The following RABGAP1L variants were observed in gnomAD, a reference collection of about 807,000 sequenced individuals.
RABGAP1L encodes rab GTPase-activating protein 1-like.
In RABGAP1L, 63 loss-of-function variants were observed where a neutral mutation model predicts 137.7. The ratio of observed to expected loss-of-function variants is 0.46; its 90% CI spans 0.37 to 0.56. The LOEUF (loss-of-function observed/expected upper bound fraction) is 0.56, where lower values mean the gene tolerates loss of function less well. Ranked by LOEUF, RABGAP1L falls within the 20% of genes least tolerant of loss-of-function variation. The pLI is 0.00. For synonymous variants in RABGAP1L, 431 were observed against 433.7 expected, an observed-to-expected ratio of 0.99 and a Z score of 0.08; for missense variants, 1,095 against 1,244.0, an observed-to-expected ratio of 0.88 and a Z score of 1.80.
intron 11 of RABGAP1L, among the ~76,000 whole-genome samples, chr1:174,327,998 T>TATATATATACATAC (rs1680673910): frequency 1.1e-5 from 1 of 90,144 alleles, no homozygotes; most frequent in African/African-American, 5.1e-5. Context: ...TATATATATA[T>TATATATATACATAC]ATATATATAT....
At chr1:174,578,352 T>C (rs1379839566) in intron 13 of RABGAP1L, among the ~76,000 whole-genome samples, 1 of 152,132 alleles carries the variant, frequency 6.6e-6, no homozygotes, top group Non-Finnish European at 1.5e-5. Flanking sequence ...GCCCTGCTAA[T>C]TTTTTGATTT....
chr1:174,189,969 T>C (rs1288428854), intron 1 of RABGAP1L, among the ~76,000 whole-genome samples: 1 of 152,170 alleles, frequency 6.6e-6, no homozygotes, highest in Non-Finnish European at 1.5e-5. Context: ...GATTCCCTGT[T>C]CTGCCGTTCT....
At chr1:174,270,430 T>C (rs919711934) in intron 7 of RABGAP1L, among the ~76,000 whole-genome samples, 3 of 152,052 alleles carry the variant, frequency 2.0e-5, no homozygotes, top group Admixed American at 1.3e-4. Context: ...CCATCAGAGA[T>C]TACAAAAGGT....
intron 13 of RABGAP1L, among the ~76,000 whole-genome samples, chr1:174,584,757 A>T (rs930302564): frequency 1.2e-4 from 18 of 152,116 alleles, no homozygotes; most frequent in Admixed American, 1.0e-3. Context: ...ACACTCTTGG[A>T]GGCAGGTTTT....
intron 13 of RABGAP1L, among the ~76,000 whole-genome samples, chr1:174,582,097 T>A (rs1668788835): frequency 6.6e-6 from 1 of 151,994 alleles, no homozygotes; most frequent in Non-Finnish European, 1.5e-5. Context: ...CCAGACTAGG[T>A]GAGGTAGCTC....
intron 14 of RABGAP1L, among the ~76,000 whole-genome samples, chr1:174,652,961 T>G (rs1466024230): frequency 6.6e-6 from 1 of 152,212 alleles, no homozygotes; most frequent in Non-Finnish European, 1.5e-5. Flanking sequence ...AGGTCCTGAC[T>G]GGGGCTGCTG....
At chr1:174,610,853 C>G (rs1407771586) in intron 13 of RABGAP1L, among the ~76,000 whole-genome samples, 1 of 152,136 alleles carries the variant, frequency 6.6e-6, no homozygotes, top group Non-Finnish European at 1.5e-5. Context: ...TAAATGTCTT[C>G]TTTTGAGAAG....
chr1:174,501,315 G>A (rs1661258404), intron 13 of RABGAP1L, among the ~76,000 whole-genome samples: 1 of 151,450 alleles, frequency 6.6e-6, no homozygotes, highest in Admixed American at 6.6e-5. Flanking sequence ...CCGGGTTCAA[G>A]CGATTCTGCT....
intron 1 of RABGAP1L, among the ~76,000 whole-genome samples, chr1:174,200,136 C>G (rs960511549): frequency 3.9e-5 from 6 of 152,158 alleles, no homozygotes; most frequent in African/African-American, 1.4e-4. Context: ...CCATGTTAGA[C>G]AGATAATGTA....
chr1:174,383,973 T>C (rs1686486782), intron 12 of RABGAP1L, among the ~76,000 whole-genome samples: 1 of 152,168 alleles, frequency 6.6e-6, no homozygotes, highest in Non-Finnish European at 1.5e-5. Context: ...TTAAAACCTG[T>C]ATGTGAATGT....
At chr1:174,413,230 C>T (rs772657058) in intron 13 of RABGAP1L, among the ~76,000 whole-genome samples, 1 of 152,098 alleles carries the variant, frequency 6.6e-6, no homozygotes, top group Non-Finnish European at 1.5e-5. Flanking sequence ...GAGATTCTTT[C>T]CTCAACATGG....
chr1:174,597,649 T>C (rs1460673854), intron 13 of RABGAP1L, among the ~76,000 whole-genome samples: 3 of 152,126 alleles, frequency 2.0e-5, no homozygotes, highest in Non-Finnish European at 4.4e-5. Context: ...AAAAAACTTT[T>C]CGAACTTTTC....
intron 13 of RABGAP1L, among the ~76,000 whole-genome samples, chr1:174,548,981 G>A (rs948190576): frequency 1.1e-4 from 17 of 152,132 alleles, no homozygotes; most frequent in Non-Finnish European, 4.4e-5. Context: ...AAAATTTAGT[G>A]GCCGATACTT....
At chr1:174,235,157 G>A (rs1489381767) in intron 4 of RABGAP1L, among the ~76,000 whole-genome samples, 1 of 143,266 alleles carries the variant, frequency 7.0e-6, no homozygotes, top group Non-Finnish European at 1.5e-5. Flanking sequence ...TCAGCTTAAG[G>A]AGATTTTGGG....
At chr1:174,671,589 C>G (rs1481783885) in intron 14 of RABGAP1L, among the ~76,000 whole-genome samples, 1 of 152,204 alleles carries the variant, frequency 6.6e-6, no homozygotes, top group East Asian at 1.9e-4. Context: ...ATTTCTTCTT[C>G]TAATGTGATG....
intron 13 of RABGAP1L, among the ~76,000 whole-genome samples, chr1:174,479,801 G>A (rs1658901763): frequency 6.6e-6 from 1 of 152,142 alleles, no homozygotes. Context: ...TGGATAATTG[G>A]TTAGAAATAG....
At chr1:174,773,817 T>C (rs1686310736) in intron 18 of RABGAP1L, among the ~76,000 whole-genome samples, 1 of 152,254 alleles carries the variant, frequency 6.6e-6, no homozygotes, top group Admixed American at 6.5e-5. Context: ...CCCTGAATAC[T>C]GTTTAATGCT....
chr1:174,860,392 G>A (rs1034219227), intron 19 of RABGAP1L, among the ~76,000 whole-genome samples: 3 of 152,194 alleles, frequency 2.0e-5, no homozygotes. Flanking sequence ...TGAGGTTGCA[G>A]TGAGCTGTGA....
intron 15 of RABGAP1L, among the ~76,000 whole-genome samples, chr1:174,690,176 C>G (rs1426100994): frequency 6.6e-6 from 1 of 152,150 alleles, no homozygotes; most frequent in Non-Finnish European, 1.5e-5. Flanking sequence ...AAAAGTACAA[C>G]TGTGAATTTG....
Sources: allele counts gnomAD v4.1 joint callset (sites outside exome capture counted in the v4.1 genomes callset), GRCh38; gene constraint gnomAD v4.1.1; transcripts MANE v1.5; gene names NCBI Gene and HGNC (gene_info 2026-07-23, HGNC 2026-07-21).